Variants in PTPRD observed in about 807,000 individuals in gnomAD.
The protein encoded by PTPRD is protein tyrosine phosphatase receptor type D, also known as receptor-type tyrosine-protein phosphatase delta.
A neutral mutation model predicts 214.5 loss-of-function variants in PTPRD; 34 were observed. That is an observed-to-expected ratio of 0.16 (90% confidence interval 0.12 to 0.21). PTPRD has a LOEUF of 0.21. Among genes scored for constraint, PTPRD ranks in the 10% least tolerant of loss-of-function variants. The probability of loss-of-function intolerance (pLI) is 1.00; values close to 1 mark genes in which losing one functional copy is unlikely to be tolerated. For synonymous variants in PTPRD, 1,128 were observed against 845.7 expected (o/e 1.33, Z -5.79); for missense variants, 2,545 against 2,398.7 (o/e 1.06, Z -1.27).
chr9:9,164,865 CAAAA>C (rs2099898893), intron 10 of PTPRD, among the ~76,000 whole-genome samples: 2 of 148,952 alleles, frequency 1.3e-5, no homozygotes, highest in Non-Finnish European at 3.0e-5. Context: ...CAAAACAAAA[CAAAA>C]CAAAACAAAA....
intron 14 of PTPRD, among the ~76,000 whole-genome samples, chr9:8,583,703 T>C (rs1459566882): frequency 6.6e-6 from 1 of 152,176 alleles, no homozygotes; most frequent in Non-Finnish European, 1.5e-5. Flanking sequence ...TCATCTGTTA[T>C]GGGAGGTGGG....
At chr9:9,786,934 G>C (rs968743249) in intron 5 of PTPRD, among the ~76,000 whole-genome samples, 2 of 151,958 alleles carry the variant, frequency 1.3e-5, no homozygotes, top group Non-Finnish European at 1.5e-5. Context: ...CAGGAGTTTT[G>C]AGACCAGCCT....
chr9:9,974,021 G>A (rs2154053399), intron 4 of PTPRD, among the ~76,000 whole-genome samples: 1 of 152,244 alleles, frequency 6.6e-6, no homozygotes, highest in South Asian at 2.1e-4. Flanking sequence ...TAGGAATTTA[G>A]AAATTGTGAC....
chr9:10,590,407 C>T (rs187308110), intron 2 of PTPRD, among the ~76,000 whole-genome samples: 255 of 152,014 alleles, frequency 1.7e-3, no homozygotes, highest in African/African-American at 5.6e-3. Flanking sequence ...GTAATTACTA[C>T]GCCAAGAGAT....
chr9:8,959,754 T>A (rs1484161358), intron 11 of PTPRD, among the ~76,000 whole-genome samples: 1 of 152,066 alleles, frequency 6.6e-6, no homozygotes, highest in Non-Finnish European at 1.5e-5. Context: ...CTAAGCCAGA[T>A]GGATAAAGTT....
At chr9:8,321,297 A>C (rs1355169563) in intron 44 of PTPRD, among the ~76,000 whole-genome samples, 4 of 151,650 alleles carry the variant, frequency 2.6e-5, no homozygotes, top group African/African-American at 4.8e-5. Flanking sequence ...ATGCAACAAA[A>C]ACATTGGGTT....
At chr9:10,146,698 A>T (rs937868316) in intron 3 of PTPRD, among the ~76,000 whole-genome samples, 26 of 152,172 alleles carry the variant, frequency 1.7e-4, no homozygotes, top group Admixed American at 1.7e-3. Flanking sequence ...CAACACAAGA[A>T]GCCGACCGAG....
chr9:8,470,857 A>T, intron 31 of PTPRD, 138 bp downstream of exon 31: 1 of 698,954 alleles, frequency 1.4e-6, no homozygotes, highest in Non-Finnish European at 2.5e-6. Flanking sequence ...GCATGCCCAT[A>T]GCACTGAACC....
At chr9:10,504,383 G>T (rs144027302) in intron 2 of PTPRD, among the ~76,000 whole-genome samples, 1 of 151,940 alleles carries the variant, frequency 6.6e-6, no homozygotes, top group Non-Finnish European at 1.5e-5. Context: ...AGAACACTTC[G>T]GTTTACTCTG....
intron 8 of PTPRD, among the ~76,000 whole-genome samples, chr9:9,437,617 T>C (rs1373893620): frequency 2.6e-5 from 4 of 152,216 alleles, no homozygotes; most frequent in Non-Finnish European, 5.9e-5. Flanking sequence ...TGGGATCAGC[T>C]GAACTTCTTT....
chr9:9,965,790 A>T (rs12353320), intron 4 of PTPRD, among the ~76,000 whole-genome samples: 1 of 152,094 alleles, frequency 6.6e-6, no homozygotes, highest in Non-Finnish European at 1.5e-5. Context: ...CTTATGCTAC[A>T]TTGTCAACAT....
chr9:8,329,448 T>C (rs1465305685), intron 44 of PTPRD, among the ~76,000 whole-genome samples: 2 of 152,120 alleles, frequency 1.3e-5, no homozygotes, highest in Admixed American at 6.6e-5. Flanking sequence ...GAGGTATCTG[T>C]CAGCCCCTAC....
intron 5 of PTPRD, among the ~76,000 whole-genome samples, chr9:9,793,091 A>G (rs1028996629): frequency 6.6e-6 from 1 of 152,144 alleles, no homozygotes; most frequent in African/African-American, 2.4e-5. Flanking sequence ...GAATTGTACC[A>G]TACCTAGATG....
chr9:9,886,343 A>C (rs746706912), intron 5 of PTPRD, among the ~76,000 whole-genome samples: 1 of 152,150 alleles, frequency 6.6e-6, no homozygotes, highest in Non-Finnish European at 1.5e-5. Flanking sequence ...TACATAAACA[A>C]GAGTAATATG....
At chr9:9,854,672 C>T (rs1020095143) in intron 5 of PTPRD, among the ~76,000 whole-genome samples, 6 of 152,054 alleles carry the variant, frequency 3.9e-5, no homozygotes, top group Non-Finnish European at 1.5e-5. Flanking sequence ...GATTACTTAT[C>T]TAAATTGTTA....
chr9:10,599,838 G>T (rs536459119), intron 2 of PTPRD, among the ~76,000 whole-genome samples: 1 of 151,778 alleles, frequency 6.6e-6, no homozygotes, highest in Admixed American at 6.6e-5. Context: ...TCTAATCAGA[G>T]GCTTTTACGC....
chr9:8,751,589 G>T (rs1283983741), intron 11 of PTPRD, among the ~76,000 whole-genome samples: 3 of 152,102 alleles, frequency 2.0e-5, no homozygotes, highest in African/African-American at 4.8e-5. Flanking sequence ...TTTCTTTCAG[G>T]ATTTAGAAGC....
At chr9:10,309,876 G>A (rs1268035508) in intron 3 of PTPRD, among the ~76,000 whole-genome samples, 2 of 151,968 alleles carry the variant, frequency 1.3e-5, no homozygotes, top group African/African-American at 2.4e-5. Context: ...CAACATTTTT[G>A]GACAACATTT....
At chr9:8,623,084 C>G (rs77039369) in intron 14 of PTPRD, among the ~76,000 whole-genome samples, 13,467 of 151,856 alleles carry the variant, frequency 0.089, 714 homozygotes, top group East Asian at 0.18. Context: ...ATAGGAGTGA[C>G]AGGTTACAGT....
Sources: allele counts gnomAD v4.1 joint callset (sites outside exome capture counted in the v4.1 genomes callset), GRCh38; gene constraint gnomAD v4.1.1; transcripts MANE v1.5; gene names NCBI Gene and HGNC (gene_info 2026-07-23, HGNC 2026-07-21).